PTGIS: variants seen among roughly 807,000 people sequenced by gnomAD.
PTGIS encodes prostacyclin synthase.
In PTGIS, 45 loss-of-function variants were observed where a neutral mutation model predicts 50.3. The observed-to-expected ratio is 0.90, with a 90% CI of 0.70 to 1.15. PTGIS has a LOEUF of 1.15. Among genes scored for constraint, PTGIS ranks in the 50% most tolerant of loss-of-function variants. PTGIS has a pLI of 0.00. For synonymous variants in PTGIS, 260 were observed against 267.7 expected (o/e 0.97, Z 0.28); for missense variants, 668 against 661.3 (o/e 1.01, Z -0.11).
rs1981201002 is a variant in PTGIS, at chr20:49,507,984, C to G, written c.1439G>C (p.Arg480Thr). The G allele has an allele frequency of 6.2e-7, 1 of 1,613,940 alleles. No homozygotes were observed. The highest frequency in any genetic ancestry group is 8.5e-7 in the Non-Finnish European group (1 of 1,180,044). ...DVEIPEFDLSRYGFGLMQPEH... is the reference protein window; with the variant it reads ...DVEIPEFDLSTYGFGLMQPEH... ...CGGCTGCATCAGACCGAAGCCGTAC[C>G]TGCTGAGGTCAAACTCAGGGATCTC... is the stretch of plus-strand genomic sequence containing the variant. Residue 480 changes from arginine (R) to threonine (T), a missense_variant, in exon 10 of 10, where the codon AGG (arginine) becomes ACG (threonine). Coordinates refer to ENST00000244043, the MANE Select transcript of PTGIS (RefSeq NM_000961.4).
chr20:49,507,786 C>T lies in PTGIS; in HGVS notation c.*134G>A. On this transcript the variant is annotated 3_prime_UTR_variant, in exon 10 of 10. Transcript: ENST00000244043. ...TTTTCCCTCCCCTGGACCCAGCCTT[C>T]TGGGAGAAAAGCAGGGAAGTGGTAA... 8.0e-7 allele frequency: 1 copy of T among 1,250,122 alleles called. No individual in the cohort carries two copies. Among genetic ancestry groups the T allele is most frequent in the Non-Finnish European group, 1.1e-6 (1 of 885,400 alleles). The allele number at this position is 1,250,122 out of a possible 1,614,324, so 77.4% of individuals were successfully genotyped here.
chr20:49,508,631 G>A (rs1402933311), intron 9 of PTGIS, among the ~76,000 whole-genome samples: 1 of 152,194 alleles, frequency 6.6e-6, no homozygotes, highest in East Asian at 1.9e-4. Flanking sequence ...TGTCTATCTT[G>A]GCCAGGACTG....
chr20:49,507,371 A>G lies in PTGIS; in HGVS notation c.*549T>C, dbSNP rs1981181620. On this transcript the variant is annotated 3_prime_UTR_variant, in exon 10 of 10. Coordinates refer to ENST00000244043, the MANE Select transcript of PTGIS (RefSeq NM_000961.4). ...CTCAAGTAGTGTGAGCAATGGGGCA[A>G]TCTGGCAAATGGGGCCCCAGGGAAG... is the stretch of plus-strand genomic sequence containing the variant. 2 of 203,310 alleles carry G rather than the reference A, an allele frequency of 9.8e-6. No homozygotes were observed. Among genetic ancestry groups the G allele is most frequent in the Non-Finnish European group, 2.0e-5 (2 of 98,974 alleles). The allele number at this position is 203,310 out of a possible 1,614,324, so 12.6% of individuals were successfully genotyped here.
At chr20:49,543,499 G>A (rs1982281464) in intron 4 of PTGIS, among the ~76,000 whole-genome samples, 1 of 152,162 alleles carries the variant, frequency 6.6e-6, no homozygotes, top group African/African-American at 2.4e-5. Context: ...ACTGCCTGAG[G>A]CCTGCTTCTG....
rs767422720 is a variant in PTGIS at position 49,547,972 on chromosome 20, G to C, written c.246C>G (p.Ser82=). 8.1e-6 allele frequency: 13 copies of C among 1,614,122 alleles called. No individual in the cohort carries two copies. Among genetic ancestry groups the C allele is most frequent in the Non-Finnish European group, 1.1e-5 (13 of 1,180,016 alleles). ...GAGGCTCCCACACCACCGCGTCGTA[G>C]GAGTGTGGGTCCAGGAGAACGGTGA... The part of the protein sequence containing the change: ...RYVTVLLDPH[S]YDAVVWEPRT... The change falls in exon 3 of 10, where the codon TCC becomes TCG. Residue 82 remains serine (S), a synonymous_variant. Coordinates refer to ENST00000244043, the MANE Select transcript of PTGIS (RefSeq NM_000961.4).
chr20:49,556,279 T>C (rs558932003), intron 1 of PTGIS, among the ~76,000 whole-genome samples: 2 of 152,312 alleles, frequency 1.3e-5, no homozygotes, highest in South Asian at 2.1e-4. Context: ...GAGACACTGG[T>C]TATTTTACCA....
intron 5 of PTGIS, among the ~76,000 whole-genome samples, chr20:49,528,382 C>T (rs1017025936): frequency 2.6e-5 from 4 of 151,934 alleles, no homozygotes; most frequent in Admixed American, 6.6e-5. Context: ...GAGGCCGAGA[C>T]GGGCAGATCA....
chr20:49,513,958 C>A (rs1981399666), intron 7 of PTGIS, among the ~76,000 whole-genome samples: 2 of 152,196 alleles, frequency 1.3e-5, no homozygotes. Flanking sequence ...TCCACCTGTG[C>A]CTGAAGCCAA....
At chr20:49,510,120 C>G (rs904523507) in intron 9 of PTGIS, among the ~76,000 whole-genome samples, 7 of 151,862 alleles carry the variant, frequency 4.6e-5, no homozygotes, top group Non-Finnish European at 1.0e-4. Flanking sequence ...AACTCCTGGC[C>G]TCAAATGATC....
intron 6 of PTGIS, among the ~76,000 whole-genome samples, chr20:49,514,927 G>A (rs114700519): frequency 2.6e-5 from 4 of 152,212 alleles, no homozygotes; most frequent in Non-Finnish European, 5.9e-5. Context: ...AGCCGCGAGA[G>A]ACTTTGTGTT....
chr20:49,533,143 T>G lies in PTGIS; in HGVS notation c.673+6427A>C, dbSNP rs1249836157. 2.0e-5 allele frequency among the ~76,000 whole-genome samples: 3 copies of G among 152,148 alleles called. No individual in the cohort carries two copies. The East Asian group carries it at 5.8e-4, about 29-fold the overall frequency. On this transcript the variant is annotated intron_variant, in intron 5 of 9. Coordinates refer to ENST00000244043, the MANE Select transcript of PTGIS (RefSeq NM_000961.4). Reference sequence around the variant, plus strand: ...CATCCAAAAAATGAGGACCCAGACTTGAATACCTCTCAAGTTTTTTCTGGG... The same window carrying G: ...CATCCAAAAAATGAGGACCCAGACTGGAATACCTCTCAAGTTTTTTCTGGG...
chr20:49,541,079 A>T (rs1982214053), intron 4 of PTGIS, among the ~76,000 whole-genome samples: 1 of 152,274 alleles, frequency 6.6e-6, no homozygotes, highest in African/African-American at 2.4e-5. Context: ...CACTGGATTC[A>T]GTCCACAAAT....
At chr20:49,515,298 T>G (rs1018238897) in intron 6 of PTGIS, among the ~76,000 whole-genome samples, 1 of 152,220 alleles carries the variant, frequency 6.6e-6, no homozygotes, top group Non-Finnish European at 1.5e-5. Flanking sequence ...TAAAAATTAT[T>G]TAAACTTCCC....
chr20:49,551,807 TG>T (rs1175493910), intron 1 of PTGIS, among the ~76,000 whole-genome samples: 2 of 50,024 alleles, frequency 4.0e-5, no homozygotes, highest in African/African-American at 9.0e-4. Flanking sequence ...TGTATGTGTT[TG>T]TGTGTGTGTG....
In PTGIS at chr20:49,547,961, A is replaced by C. The variant is rs77466832; in HGVS notation, c.257T>G (p.Val86Gly). 6.2e-7 allele frequency: 1 copy of C among 1,614,020 alleles called. No homozygotes were observed. The highest frequency in any genetic ancestry group is 2.2e-5 in the East Asian group (1 of 44,860). The change falls in exon 3 of 10, where the codon GTG becomes GGG. Residue 86 changes from valine (V) to glycine (G), a missense_variant. Coordinates refer to ENST00000244043, the MANE Select transcript of PTGIS (RefSeq NM_000961.4). ...GAGCCTGGTGCGAGGCTCCCACACC[A>C]CCGCGTCGTAGGAGTGTGGGTCCAG... ...VLLDPHSYDA[V>G]VWEPRTRLDF...
In PTGIS at chr20:49,566,710, T is replaced by C. The variant is rs534582729; in HGVS notation, c.74+1333A>G. On this transcript the variant is annotated intron_variant, in intron 1 of 9. Coordinates refer to ENST00000244043, the MANE Select transcript of PTGIS (RefSeq NM_000961.4). ...TGTATTAGCTACAAGCTCATGTCTA[T>C]GTATGTAAGAGTAATTTTTATGTAA... Among the ~76,000 whole-genome samples the C allele has an allele frequency of 1.6e-4, 24 of 152,338 alleles. 1 individual carries two copies. Among genetic ancestry groups the C allele is most frequent in the Admixed American group, 6.5e-5 (1 of 15,306 alleles).
At chr20:49,568,016 CG>C in intron 1 of PTGIS, 26 bp downstream of exon 1, 1 of 1,469,810 alleles carries the variant, frequency 6.8e-7, no homozygotes, top group South Asian at 1.3e-5. Flanking sequence ...CTTTGTCTGG[CG>C]GGGCCGAGCG....
intron 7 of PTGIS, among the ~76,000 whole-genome samples, chr20:49,513,756 A>C (rs1423001459): frequency 6.6e-6 from 1 of 152,120 alleles, no homozygotes; most frequent in Non-Finnish European, 1.5e-5. Flanking sequence ...AAAGAAAGCC[A>C]ATGAGACACA....
Position 49,547,836 on chromosome 20 carries a change from C to T in PTGIS, c.377+5G>A, listed in dbSNP as rs1313037800. 2 of 1,614,154 alleles carry T rather than the reference C, an allele frequency of 1.2e-6. No homozygotes were observed. The highest frequency in any genetic ancestry group is 1.1e-5 in the South Asian group (1 of 91,084). On this transcript the variant is annotated splice_donor_5th_base_variant and intron_variant, in intron 3 of 9. Coordinates refer to ENST00000244043, the MANE Select transcript of PTGIS (RefSeq NM_000961.4). ...CTCCCACAGGTGCCATCTCCAGCCA[C>T]TCACAGTTTCATCCTGGCCTTTTCA...
Sources: gnomAD v4.1 joint callset for allele counts (sites outside exome capture counted in the v4.1 genomes callset) on GRCh38, gnomAD v4.1.1 for gene constraint, MANE v1.5 for transcripts, NCBI Gene and HGNC (gene_info 2026-07-23, HGNC 2026-07-21) for gene names.